The following CFAP54 variants were observed in gnomAD, a reference collection of about 807,000 sequenced individuals.
CFAP54 encodes the protein cilia- and flagella-associated protein 54.
In CFAP54, 290 loss-of-function variants were observed where a neutral mutation model predicts 370.4. The observed-to-expected ratio is 0.78, with a 90% confidence interval of 0.71 to 0.86. CFAP54 has a LOEUF of 0.86. Ranked by LOEUF, CFAP54 falls within the 40% of genes least tolerant of loss-of-function variation. The pLI is 0.00. For missense variants in CFAP54, 3,399 were observed against 3,528.7 expected (o/e 0.96, Z 0.93); for synonymous variants, 1,206 against 1,236.5 (o/e 0.98, Z 0.52).
At chr12:96,514,169 A>G (rs141269364) in intron 5 of CFAP54, among the ~76,000 whole-genome samples, 1 of 152,324 alleles carries the variant, frequency 6.6e-6, no homozygotes, top group African/African-American at 2.4e-5. Context: ...TGACTACTTT[A>G]TTCTTTATTC....
chr12:96,492,651 G>A (rs1462445938), intron 1 of CFAP54, among the ~76,000 whole-genome samples: 1 of 152,142 alleles, frequency 6.6e-6, no homozygotes, highest in Non-Finnish European at 1.5e-5. Context: ...CTGGGGGTTG[G>A]GACATAATAA....
At chr12:96,508,545 C>T (rs1219553881) in intron 4 of CFAP54, among the ~76,000 whole-genome samples, 1 of 151,854 alleles carries the variant, frequency 6.6e-6, no homozygotes, top group East Asian at 1.9e-4. Flanking sequence ...CTCCACCTCC[C>T]AAAGTGCTGG....
Position 96,667,263 on chromosome 12 carries a change from G to A in CFAP54, c.5563+3331G>A, listed in dbSNP as rs550389754. On this transcript the variant is annotated intron_variant, in intron 39 of 67. Transcript: ENST00000524981. ...TTTTGAGGTCTGGAGGATGGTGGCC[G>A]TCTTCTCACAGCTCCACTAGGCAGT... Among the ~76,000 whole-genome samples the A allele has an allele frequency of 5.9e-5, 9 of 152,234 alleles. No individual in the cohort carries two copies. In the South Asian group the frequency reaches 1.5e-3, roughly 25 times the overall value.
chr12:96,795,741 C>T (rs78416337), intron 63 of CFAP54, among the ~76,000 whole-genome samples: 7 of 152,100 alleles, frequency 4.6e-5, no homozygotes, highest in East Asian at 3.9e-4. Flanking sequence ...TTTCAGGTTT[C>T]GAGCCCCTCT....
intron 1 of CFAP54, among the ~76,000 whole-genome samples, chr12:96,491,221 T>C (rs751815812): frequency 2.6e-4 from 40 of 152,160 alleles, no homozygotes; most frequent in Non-Finnish European, 4.9e-4. Context: ...GAGAAAGATA[T>C]GGGAGCAATT....
intron 36 of CFAP54, among the ~76,000 whole-genome samples, chr12:96,653,598 G>A (rs1956885676): frequency 6.6e-6 from 1 of 152,054 alleles, no homozygotes; most frequent in South Asian, 2.1e-4. Context: ...AAAATGTATG[G>A]CATTCAAATG....
At chr12:96,560,466 A>C (rs1055815974) in intron 17 of CFAP54, among the ~76,000 whole-genome samples, 1 of 152,208 alleles carries the variant, frequency 6.6e-6, no homozygotes, top group Non-Finnish European at 1.5e-5. Flanking sequence ...TCTAAGAAGT[A>C]ATCAAAAATC....
At chr12:96,757,122 T>C (rs1958267952) in intron 57 of CFAP54, among the ~76,000 whole-genome samples, 1 of 152,204 alleles carries the variant, frequency 6.6e-6, no homozygotes, top group African/African-American at 2.4e-5. Flanking sequence ...TTTTAATTAG[T>C]GTAGGAGGAT....
At chr12:96,863,679 G>C (rs1364071766) in intron 67 of CFAP54, among the ~76,000 whole-genome samples, 1 of 152,170 alleles carries the variant, frequency 6.6e-6, no homozygotes, top group African/African-American at 2.4e-5. Flanking sequence ...TTGCAGATCT[G>C]AATGGATGCC....
chr12:96,687,694 T>G (rs1957343499), intron 42 of CFAP54, among the ~76,000 whole-genome samples: 1 of 152,170 alleles, frequency 6.6e-6, no homozygotes, highest in Non-Finnish European at 1.5e-5. Context: ...CTGTCAAGTT[T>G]GATTTTTTTG....
intron 25 of CFAP54, among the ~76,000 whole-genome samples, chr12:96,598,393 A>G (rs963300981): frequency 6.6e-6 from 1 of 152,008 alleles, no homozygotes; most frequent in Non-Finnish European, 1.5e-5. Flanking sequence ...GCTTTGTTTT[A>G]TAGTCATTTG....
intron 65 of CFAP54, among the ~76,000 whole-genome samples, chr12:96,827,784 A>G (rs1360138308): frequency 3.4e-5 from 3 of 88,000 alleles, no homozygotes; most frequent in South Asian, 3.0e-4. Flanking sequence ...ATAGTTATAT[A>G]TAATATATAA....
At chr12:96,526,878 A>G (rs1009065972) in intron 8 of CFAP54, among the ~76,000 whole-genome samples, 15 of 145,988 alleles carry the variant, frequency 1.0e-4, no homozygotes, top group Admixed American at 5.6e-4. Context: ...TCTTTGCCTT[A>G]TAACAGGTTT....
chr12:96,500,481 A>C (rs566446029), intron 1 of CFAP54, among the ~76,000 whole-genome samples: 2 of 152,312 alleles, frequency 1.3e-5, no homozygotes, highest in African/African-American at 4.8e-5. Context: ...GGTTCATCAC[A>C]ACAAAGGTAC....
intron 26 of CFAP54, among the ~76,000 whole-genome samples, chr12:96,613,266 A>G (rs1422015634): frequency 6.6e-6 from 1 of 152,238 alleles, no homozygotes; most frequent in African/African-American, 2.4e-5. Flanking sequence ...CTCCTGAATG[A>G]CTACTGGGTA....
chr12:96,599,630 G>A (rs1956218536), intron 26 of CFAP54, among the ~76,000 whole-genome samples: 1 of 152,144 alleles, frequency 6.6e-6, no homozygotes, highest in Non-Finnish European at 1.5e-5. Context: ...CATCAACAGT[G>A]TAAAAACGTT....
intron 62 of CFAP54, among the ~76,000 whole-genome samples, chr12:96,788,660 T>C (rs944449319): frequency 3.9e-5 from 6 of 152,058 alleles, no homozygotes; most frequent in Non-Finnish European, 7.4e-5. Flanking sequence ...GATTAAATTA[T>C]ACATTTTTTT....
At chr12:96,832,157 T>G (rs1959173006) in intron 66 of CFAP54, among the ~76,000 whole-genome samples, 1 of 152,124 alleles carries the variant, frequency 6.6e-6, no homozygotes, top group Admixed American at 6.5e-5. Flanking sequence ...GAGCTCTCTC[T>G]CTTTGCCTGC....
At chr12:96,633,743 A>T (rs1043187307) in intron 32 of CFAP54, among the ~76,000 whole-genome samples, 1 of 152,214 alleles carries the variant, frequency 6.6e-6, no homozygotes, top group South Asian at 2.1e-4. Context: ...GCTGTGATGA[A>T]CATTCATGTG....
Sources: allele counts gnomAD v4.1 joint callset (sites outside exome capture counted in the v4.1 genomes callset), GRCh38; gene constraint gnomAD v4.1.1; transcripts MANE v1.5; gene names NCBI Gene and HGNC (gene_info 2026-07-23, HGNC 2026-07-21).